Variants in CTNNBL1 observed in about 807,000 individuals in gnomAD.
The protein encoded by CTNNBL1 is catenin beta like 1, also known as beta-catenin-like protein 1.
A neutral mutation model predicts 72.7 loss-of-function variants in CTNNBL1; 31 were observed. That is an observed-to-expected ratio of 0.43 (90% CI 0.32 to 0.58). The LOEUF (loss-of-function observed/expected upper bound fraction) is 0.58, where lower values mean the gene tolerates loss of function less well. Ranked by LOEUF, CTNNBL1 falls within the 20% of genes least tolerant of loss-of-function variation. The probability of loss-of-function intolerance (pLI) is 0.08; values close to 1 mark genes in which losing one functional copy is unlikely to be tolerated. For missense variants in CTNNBL1, 534 were observed against 725.1 expected, an observed-to-expected ratio of 0.74 and a Z score of 3.03; for synonymous variants, 240 against 267.3, an observed-to-expected ratio of 0.90 and a Z score of 1.00.
intron 15 of CTNNBL1, among the ~76,000 whole-genome samples, chr20:37,862,526 C>T (rs1271430614): frequency 6.6e-6 from 1 of 152,206 alleles, no homozygotes; most frequent in Non-Finnish European, 1.5e-5. Flanking sequence ...CTCTGTCTCC[C>T]TCGGATCCTG....
intron 3 of CTNNBL1, among the ~76,000 whole-genome samples, chr20:37,742,650 A>T (rs192140633): frequency 6.6e-6 from 1 of 152,052 alleles, no homozygotes; most frequent in Non-Finnish European, 1.5e-5. Flanking sequence ...TGCTGTGCTT[A>T]CTGTCTCTTT....
chr20:37,844,065 G>T (rs1379272762), intron 13 of CTNNBL1, among the ~76,000 whole-genome samples: 3 of 152,146 alleles, frequency 2.0e-5, no homozygotes, highest in Non-Finnish European at 4.4e-5. Context: ...AGGACACTCA[G>T]TGGTTGTTAA....
intron 8 of CTNNBL1, 27 bp downstream of exon 8, chr20:37,777,444 T>C: frequency 6.2e-7 from 1 of 1,605,462 alleles, no homozygotes; most frequent in Non-Finnish European, 8.5e-7. Context: ...GTATTGATAT[T>C]CTGTTAGGAT....
intron 10 of CTNNBL1, among the ~76,000 whole-genome samples, chr20:37,790,918 CT>C (rs1481751560): frequency 1.3e-5 from 2 of 152,234 alleles, no homozygotes; most frequent in Non-Finnish European, 2.9e-5. Context: ...TTCTCTCCCC[CT>C]ACCTCAGTGT....
chr20:37,779,968 T>G (rs1044563514), intron 10 of CTNNBL1, among the ~76,000 whole-genome samples: 1 of 152,004 alleles, frequency 6.6e-6, no homozygotes, highest in Non-Finnish European at 1.5e-5. Context: ...AGGAAGCTTA[T>G]GTTGATAACT....
intron 11 of CTNNBL1, among the ~76,000 whole-genome samples, chr20:37,807,853 A>T (rs114276488): frequency 1.5e-3 from 236 of 152,288 alleles, no homozygotes; most frequent in African/African-American, 5.6e-3. Context: ...AGCACAGTAT[A>T]TATTGTCTCC....
chr20:37,753,107 CCT>C (rs2073335072), intron 4 of CTNNBL1, among the ~76,000 whole-genome samples: 1 of 152,108 alleles, frequency 6.6e-6, no homozygotes, highest in Non-Finnish European at 1.5e-5. Context: ...CTTCAAATGA[CCT>C]CTGTCTCCTG....
chr20:37,851,646 G>T (rs952963177), intron 13 of CTNNBL1, among the ~76,000 whole-genome samples: 2 of 152,094 alleles, frequency 1.3e-5, no homozygotes, highest in Non-Finnish European at 2.9e-5. Flanking sequence ...CCTGTTCCCC[G>T]TGAGCTTTTT....
chr20:37,732,309 C>A (rs1005152021), intron 1 of CTNNBL1, among the ~76,000 whole-genome samples: 4 of 152,174 alleles, frequency 2.6e-5, no homozygotes, highest in African/African-American at 9.7e-5. Context: ...TCAGAAGTTA[C>A]ATATGTAATA....
intron 1 of CTNNBL1, among the ~76,000 whole-genome samples, chr20:37,698,430 C>A (rs973346462): frequency 6.6e-6 from 1 of 152,146 alleles, no homozygotes; most frequent in Admixed American, 6.5e-5. Context: ...CTTTGCTCAG[C>A]GAAATATCCT....
At chr20:37,776,328 G>A (rs1280099431) in intron 7 of CTNNBL1, among the ~76,000 whole-genome samples, 1 of 152,150 alleles carries the variant, frequency 6.6e-6, no homozygotes, top group African/African-American at 2.4e-5. Flanking sequence ...GCTTGATTAG[G>A]TACAACTCTT....
intron 5 of CTNNBL1, among the ~76,000 whole-genome samples, 177 bp downstream of exon 5, chr20:37,757,833 C>G (rs1229448964): frequency 1.3e-5 from 2 of 152,148 alleles, no homozygotes; most frequent in Admixed American, 1.3e-4. Context: ...GTGCTTTATG[C>G]TTTGGGACTG....
At chr20:37,737,505 T>TA (rs1218420483) in intron 3 of CTNNBL1, 21 bp downstream of exon 3, 1 of 1,494,382 alleles carries the variant, frequency 6.7e-7, no homozygotes, top group Admixed American at 1.7e-5. Flanking sequence ...GTTCCACTGA[T>TA]ACCATGTCTC....
intron 11 of CTNNBL1, among the ~76,000 whole-genome samples, chr20:37,823,035 A>G (rs897079070): frequency 3.3e-5 from 5 of 152,184 alleles, no homozygotes; most frequent in African/African-American, 7.2e-5. Flanking sequence ...ATATTTGCCA[A>G]TATATATTGT....
chr20:37,694,182 G>T (rs776012438), intron 1 of CTNNBL1, 30 bp downstream of exon 1: 4 of 1,577,336 alleles, frequency 2.5e-6, no homozygotes, highest in Non-Finnish European at 1.7e-6. Flanking sequence ...CCGAGCGACC[G>T]CGTTCTCACC....
At chr20:37,839,451 G>T (rs905178934) in intron 11 of CTNNBL1, among the ~76,000 whole-genome samples, 12 of 152,136 alleles carry the variant, frequency 7.9e-5, no homozygotes, top group Non-Finnish European at 1.6e-4. Context: ...TTCACCTGAA[G>T]CCTATAATAT....
chr20:37,776,250 A>T (rs1351380865), intron 7 of CTNNBL1, among the ~76,000 whole-genome samples: 1 of 152,200 alleles, frequency 6.6e-6, no homozygotes, highest in Non-Finnish European at 1.5e-5. Flanking sequence ...GACCTCCTGA[A>T]ACCCTGTAGG....
At chr20:37,749,792 A>G (rs1282460999) in intron 4 of CTNNBL1, 1 of 152,070 alleles carries the variant, frequency 6.6e-6, no homozygotes, top group Non-Finnish European at 1.5e-5. Flanking sequence ...GTTGGTCGTA[A>G]TGTTGCTCTC....
chr20:37,772,567 A>C (rs113959874), intron 7 of CTNNBL1, among the ~76,000 whole-genome samples: 10,692 of 152,098 alleles, frequency 0.07, 521 homozygotes, highest in Admixed American at 0.16. Flanking sequence ...CCAGGATGGT[A>C]TCGATCTCCT....
Sources: gnomAD v4.1 joint callset for allele counts (sites outside exome capture counted in the v4.1 genomes callset) on GRCh38, gnomAD v4.1.1 for gene constraint, MANE v1.5 for transcripts, NCBI Gene and HGNC (gene_info 2026-07-23, HGNC 2026-07-21) for gene names.